NELL1: variants seen among roughly 807,000 people sequenced by gnomAD.
NELL1 encodes the protein protein kinase C-binding protein NELL1.
NELL1 carries 76 observed loss-of-function variants against 107.4 expected under a neutral mutation model. That is an observed-to-expected ratio of 0.71 (90% CI 0.59 to 0.86). The LOEUF (loss-of-function observed/expected upper bound fraction) is 0.86, where lower values mean the gene tolerates loss of function less well. Among genes scored for constraint, NELL1 ranks in the 40% least tolerant of loss-of-function variants. NELL1 has a pLI of 0.00. For synonymous variants in NELL1, 353 were observed against 341.2 expected (o/e 1.03, Z -0.38); for missense variants, 1,024 against 1,005.5 (o/e 1.02, Z -0.25).
At chr11:21,232,154 A>T (rs1378057218) in intron 14 of NELL1, among the ~76,000 whole-genome samples, 33 of 62,966 alleles carry the variant, frequency 5.2e-4, no homozygotes, top group Middle Eastern at 8.3e-3. Context: ...AAATAAAAAA[A>T]AAAAAATATA....
intron 2 of NELL1, among the ~76,000 whole-genome samples, chr11:20,779,488 A>G (rs1856814250): frequency 6.6e-6 from 1 of 152,218 alleles, no homozygotes; most frequent in South Asian, 2.1e-4. Context: ...AGAATTGAAT[A>G]TTCTTAAGTA....
At chr11:21,007,038 T>C (rs1557434) in intron 12 of NELL1, among the ~76,000 whole-genome samples, 52,155 of 151,980 alleles carry the variant, frequency 0.34, 12,338 homozygotes, top group African/African-American at 0.67. Context: ...AAGCAAATGT[T>C]GGCTGACCCT....
intron 14 of NELL1, among the ~76,000 whole-genome samples, chr11:21,350,078 A>G (rs144371908): frequency 1.1e-3 from 172 of 152,298 alleles, no homozygotes; most frequent in African/African-American, 4.0e-3. Context: ...TTTTATATCC[A>G]GTGATCATCA....
intron 4 of NELL1, among the ~76,000 whole-genome samples, chr11:20,869,237 T>C (rs375493155): frequency 6.6e-6 from 1 of 151,748 alleles, no homozygotes; most frequent in South Asian, 2.1e-4. Flanking sequence ...TATATGTTAC[T>C]GAGAGAGAGA....
intron 11 of NELL1, among the ~76,000 whole-genome samples, chr11:20,958,953 C>G (rs1350206824): frequency 6.6e-6 from 1 of 152,138 alleles, no homozygotes; most frequent in East Asian, 1.9e-4. Context: ...ATAAATGAGT[C>G]ACACAAATTA....
intron 12 of NELL1, among the ~76,000 whole-genome samples, chr11:20,980,329 A>G (rs1022439448): frequency 3.9e-5 from 6 of 152,180 alleles, no homozygotes; most frequent in African/African-American, 1.4e-4. Flanking sequence ...ATTTTTAAAG[A>G]TGAACATATA....
chr11:21,101,257 G>T lies in NELL1; in HGVS notation c.1301-12332G>T, dbSNP rs372338198. 2.0e-5 allele frequency among the ~76,000 whole-genome samples: 3 copies of T among 152,140 alleles called. No individual in the cohort carries two copies. In the East Asian group the frequency reaches 5.8e-4, roughly 29 times the overall value. On this transcript the variant is annotated intron_variant, in intron 12 of 19. Transcript: ENST00000357134. The stretch of plus-strand genomic sequence containing the variant: ...CTATCATTGTTGGACATAAGGGTTG[G>T]TTCCAGGTCTTTGCTATTGTGAATA...
At chr11:21,496,534 C>T (rs1469192664) in intron 15 of NELL1, among the ~76,000 whole-genome samples, 2 of 151,494 alleles carry the variant, frequency 1.3e-5, no homozygotes, top group African/African-American at 4.8e-5. Context: ...CTCAGCCTCC[C>T]GAGTAGCTGG....
intron 14 of NELL1, among the ~76,000 whole-genome samples, chr11:21,264,304 T>A (rs944447046): frequency 2.0e-5 from 3 of 151,968 alleles, no homozygotes; most frequent in East Asian, 3.9e-4. Flanking sequence ...TCCTTATCTA[T>A]GAAGTGATTA....
chr11:20,781,708 G>T (rs544350454), intron 2 of NELL1, among the ~76,000 whole-genome samples: 222 of 152,008 alleles, frequency 1.5e-3, no homozygotes, highest in African/African-American at 5.1e-3. Context: ...TTACTTGTAG[G>T]TAAATTTATT....
intron 15 of NELL1, among the ~76,000 whole-genome samples, chr11:21,455,479 A>G (rs1025002102): frequency 1.6e-4 from 24 of 151,608 alleles, no homozygotes; most frequent in Non-Finnish European, 2.9e-4. Flanking sequence ...CTACAGGTGC[A>G]TGTCACCACA....
chr11:21,171,507 A>G (rs963616856), intron 13 of NELL1, among the ~76,000 whole-genome samples: 3 of 151,844 alleles, frequency 2.0e-5, no homozygotes, highest in African/African-American at 7.3e-5. Flanking sequence ...GAGTGTTTCT[A>G]TGTTATTAGC....
intron 13 of NELL1, among the ~76,000 whole-genome samples, chr11:21,207,131 A>G (rs1222322154): frequency 2.0e-5 from 3 of 152,230 alleles, no homozygotes; most frequent in African/African-American, 7.2e-5. Context: ...TTAATTTTGT[A>G]GTTTAATAAT....
intron 14 of NELL1, among the ~76,000 whole-genome samples, chr11:21,277,719 A>G (rs7103093): frequency 0.19 from 28,501 of 152,092 alleles, 3,103 homozygotes; most frequent in Middle Eastern, 0.28. Flanking sequence ...CTATGCATCC[A>G]TAAAAAAGGA....
chr11:21,181,761 T>C lies in NELL1; in HGVS notation c.1427-47571T>C, dbSNP rs1856831250. Among the ~76,000 whole-genome samples the C allele has an allele frequency of 2.0e-5, 3 of 151,898 alleles. No individual in the cohort carries two copies. In the South Asian group the frequency reaches 6.2e-4, roughly 32 times the overall value. On this transcript the variant is annotated intron_variant, in intron 13 of 19. Coordinates refer to ENST00000357134, the MANE Select transcript of NELL1 (RefSeq NM_006157.5). ...CTTTCTTAAATGGACTGCAGAAAAATTGCAGAAACCTTAAATCTTCATTTA... is the reference window on the plus strand; with the variant it reads ...CTTTCTTAAATGGACTGCAGAAAAACTGCAGAAACCTTAAATCTTCATTTA...
chr11:21,170,255 G>A (rs1456090048), intron 13 of NELL1: 1 of 373,784 alleles, frequency 2.7e-6, no homozygotes, highest in South Asian at 3.4e-5. Flanking sequence ...AACTACAAGG[G>A]TATGGGCCTT....
chr11:20,693,607 A>G (rs1244438053), intron 2 of NELL1, among the ~76,000 whole-genome samples: 1 of 152,092 alleles, frequency 6.6e-6, no homozygotes, highest in East Asian at 1.9e-4. Flanking sequence ...AACGTTGAAT[A>G]TTGGCCCCCA....
At chr11:20,964,133 G>A (rs911246768) in intron 12 of NELL1, among the ~76,000 whole-genome samples, 1 of 152,100 alleles carries the variant, frequency 6.6e-6, no homozygotes, top group African/African-American at 2.4e-5. Flanking sequence ...TGCTCTAGTT[G>A]GATTTTAATG....
At chr11:21,211,953 G>A (rs1021333796) in intron 13 of NELL1, among the ~76,000 whole-genome samples, 1 of 152,016 alleles carries the variant, frequency 6.6e-6, no homozygotes, top group Non-Finnish European at 1.5e-5. Flanking sequence ...AGCTTCCTGA[G>A]TAGCTGAGAT....
Sources: allele counts gnomAD v4.1 joint callset (sites outside exome capture counted in the v4.1 genomes callset), GRCh38; gene constraint gnomAD v4.1.1; transcripts MANE v1.5; gene names NCBI Gene and HGNC (gene_info 2026-07-23, HGNC 2026-07-21).